PRKCE: variants seen among roughly 807,000 people sequenced by gnomAD.
The protein encoded by PRKCE is protein kinase C epsilon.
A neutral mutation model predicts 85.4 loss-of-function variants in PRKCE; 16 were observed. The observed-to-expected ratio is 0.19, with a 90% CI of 0.13 to 0.28. The LOEUF is 0.28. PRKCE is among the 10% of genes least tolerant of loss of function. The pLI, the probability that PRKCE is intolerant of heterozygous loss-of-function variation, is 1.00. For synonymous variants in PRKCE, 388 were observed against 371.5 expected, an observed-to-expected ratio of 1.04 and a Z score of -0.51; for missense variants, 573 against 975.2, an observed-to-expected ratio of 0.59 and a Z score of 5.49.
rs375984336 is a variant in PRKCE, at chr2:45,882,797, A to C, written c.412+39734A>C. On this transcript the variant is annotated intron_variant, in intron 2 of 14. Coordinates refer to ENST00000306156, the MANE Select transcript of PRKCE (RefSeq NM_005400.3). ...TTTGGGCCTGCACTCAACGTTTCTT[A>C]AATGTTCACGTGTTACCTCCGAGTC... 3.9e-5 allele frequency among the ~76,000 whole-genome samples: 6 copies of C among 152,248 alleles called. No homozygotes were observed. In the East Asian group the frequency reaches 7.7e-4, roughly 20 times the overall value.
At chr2:45,728,465 G>A (rs977161687) in intron 1 of PRKCE, among the ~76,000 whole-genome samples, 2 of 152,036 alleles carry the variant, frequency 1.3e-5, no homozygotes, top group Non-Finnish European at 2.9e-5. Context: ...CCAAACACAC[G>A]CACTCTTCAC....
chr2:45,914,461 T>C (rs1697612217), intron 2 of PRKCE, among the ~76,000 whole-genome samples: 1 of 152,148 alleles, frequency 6.6e-6, no homozygotes, highest in African/African-American at 2.4e-5. Context: ...GATTTAGGAA[T>C]TGTGGCATGT....
intron 12 of PRKCE, among the ~76,000 whole-genome samples, chr2:46,150,610 C>G (rs1158198789): frequency 6.6e-6 from 1 of 152,212 alleles, no homozygotes; most frequent in Non-Finnish European, 1.5e-5. Context: ...TCCACTCAGG[C>G]AGTGAGCTGT....
chr2:45,882,000 T>C (rs1694923838), intron 2 of PRKCE, among the ~76,000 whole-genome samples: 1 of 152,324 alleles, frequency 6.6e-6, no homozygotes, highest in Non-Finnish European at 1.5e-5. Flanking sequence ...AAAGCGCTGA[T>C]ATGTCAGGTC....
chr2:45,879,004 C>A (rs922917045), intron 2 of PRKCE, among the ~76,000 whole-genome samples: 8 of 152,108 alleles, frequency 5.3e-5, no homozygotes, highest in Non-Finnish European at 1.2e-4. Flanking sequence ...GGGCTGGGTC[C>A]CTGGTAAGGG....
chr2:45,819,242 A>G (rs1264899471), intron 1 of PRKCE, among the ~76,000 whole-genome samples: 1 of 152,214 alleles, frequency 6.6e-6, no homozygotes, highest in Non-Finnish European at 1.5e-5. Context: ...TTGCAGATCA[A>G]GAGTGAGGCA....
intron 1 of PRKCE, chr2:45,840,242 AAGGCATAC>A (rs1212514983): frequency 6.6e-6 from 1 of 152,218 alleles, no homozygotes; most frequent in East Asian, 1.9e-4. Context: ...TAATCTCTAA[AAGGCATAC>A]ATTATTTAAA....
chr2:45,812,470 G>A (rs1268418768), intron 1 of PRKCE, among the ~76,000 whole-genome samples: 1 of 152,166 alleles, frequency 6.6e-6, no homozygotes, highest in East Asian at 1.9e-4. Flanking sequence ...GAATGTGATG[G>A]TGAAGACAAG....
At chr2:46,137,553 C>G (rs958676231) in intron 11 of PRKCE, among the ~76,000 whole-genome samples, 1 of 150,532 alleles carries the variant, frequency 6.6e-6, no homozygotes, top group African/African-American at 2.5e-5. Flanking sequence ...GAGTTCGAGA[C>G]CAGCCTGACC....
At chr2:46,156,085 C>G (rs1212193735) in intron 13 of PRKCE, among the ~76,000 whole-genome samples, 1 of 147,926 alleles carries the variant, frequency 6.8e-6, no homozygotes, top group Non-Finnish European at 1.5e-5. Context: ...GAATGCAAAT[C>G]TAGCCATTTC....
rs529400456 is a variant in PRKCE, at chr2:46,061,824, ATTTCTTTTCT to A, written c.1438-24360_1438-24351del. Among the ~76,000 whole-genome samples the A allele has an allele frequency of 7.4e-3, 960 of 129,318 alleles. 11 individuals are homozygous for A. The highest frequency in any genetic ancestry group is 0.01 in the Non-Finnish European group (651 of 62,334). 84.8% of individuals were successfully genotyped at this position (129,318 alleles called of 152,430 possible). A position where few individuals can be genotyped will look rare whatever the true frequency, so the allele number is the denominator to read the frequency against. Reference sequence around the variant, plus strand: ...GCTGTCACTCATGCATACGTTAAGTATTTCTTTTCTTTTCTTTTCTTTTCTTTTCTTTTTC... The same window carrying A: ...GCTGTCACTCATGCATACGTTAAGTATTTCTTTTCTTTTCTTTTCTTTTTC... On this transcript the variant is annotated intron_variant, in intron 10 of 14. Transcript: ENST00000306156.
rs1573662693 is a variant in PRKCE, at chr2:45,865,821, T to TC, written c.412+22758_412+22759insC. Among the ~76,000 whole-genome samples the TC allele has an allele frequency of 1.1e-4, 6 of 56,322 alleles. No individual in the cohort carries two copies. The East Asian group carries it at 5.2e-3, about 48-fold the overall frequency. The allele number at this position is 56,322 out of a possible 152,430, so 36.9% of individuals were successfully genotyped here. Reference sequence around the variant, plus strand: ...TAAGTTTCTTCTTCTTCTTCTTTTTTTTTTTTTTTTTTTTGAGACGAGTTC... The same window carrying TC: ...TAAGTTTCTTCTTCTTCTTCTTTTTTCTTTTTTTTTTTTTTGAGACGAGTTC... On this transcript the variant is annotated intron_variant, in intron 2 of 14. Transcript: ENST00000306156.
At chr2:45,877,703 T>C (rs1487104126) in intron 2 of PRKCE, among the ~76,000 whole-genome samples, 1 of 152,186 alleles carries the variant, frequency 6.6e-6, no homozygotes, top group Non-Finnish European at 1.5e-5. Flanking sequence ...TGCCAACACC[T>C]GAAGTCTTTT....
intron 1 of PRKCE, among the ~76,000 whole-genome samples, chr2:45,663,715 G>A (rs748341674): frequency 3.9e-5 from 6 of 152,054 alleles, no homozygotes; most frequent in Admixed American, 2.0e-4. Flanking sequence ...CCCAGGAGGC[G>A]GAAGTTGCAG....
At chr2:45,942,406 C>T (rs1699949065) in intron 2 of PRKCE, among the ~76,000 whole-genome samples, 1 of 152,156 alleles carries the variant, frequency 6.6e-6, no homozygotes, top group Non-Finnish European at 1.5e-5. Flanking sequence ...CAGTATGTTC[C>T]TCCCTGAAAT....
At chr2:46,063,542 C>G (rs1667344621) in intron 10 of PRKCE, among the ~76,000 whole-genome samples, 1 of 152,176 alleles carries the variant, frequency 6.6e-6, no homozygotes, top group African/African-American at 2.4e-5. Context: ...CCCTCAAAAA[C>G]CCACCTGATG....
At chr2:45,886,697 G>A (rs374689992) in intron 2 of PRKCE, among the ~76,000 whole-genome samples, 106 of 152,306 alleles carry the variant, frequency 7.0e-4, no homozygotes, top group African/African-American at 2.4e-3. Context: ...ATAATCTAAA[G>A]GAAGCATTGC....
rs1704063649 is a variant in PRKCE, at chr2:45,994,489, C to T, written c.824-6915C>T. ...CCCTGGTAACCACTAAACTTTTTACCATTTTCATAGTTTTACCTTTTCCAG... is the reference window on the plus strand; with the variant it reads ...CCCTGGTAACCACTAAACTTTTTACTATTTTCATAGTTTTACCTTTTCCAG... On this transcript the variant is annotated intron_variant, in intron 6 of 14. Coordinates refer to ENST00000306156, the MANE Select transcript of PRKCE (RefSeq NM_005400.3). Among the ~76,000 whole-genome samples the T allele has an allele frequency of 2.0e-5, 3 of 152,184 alleles. 1 individual carries two copies. In the South Asian group the frequency reaches 6.2e-4, roughly 32 times the overall value.
At chr2:46,150,050 A>T (rs1375745465) in intron 12 of PRKCE, among the ~76,000 whole-genome samples, 2 of 151,898 alleles carry the variant, frequency 1.3e-5, no homozygotes, top group Non-Finnish European at 2.9e-5. Flanking sequence ...GGGTCTTACC[A>T]TGTTGCCCAG....
Sources: allele counts gnomAD v4.1 joint callset (sites outside exome capture counted in the v4.1 genomes callset), GRCh38; gene constraint gnomAD v4.1.1; transcripts MANE v1.5; gene names NCBI Gene and HGNC (gene_info 2026-07-23, HGNC 2026-07-21).